Variants in UNC13B observed in about 807,000 individuals in gnomAD.
UNC13B encodes the protein unc-13 homolog B.
Under a neutral mutation model 211.0 loss-of-function variants are expected in UNC13B, and 144 were observed. The ratio of observed to expected loss-of-function variants is 0.68; its 90% CI spans 0.60 to 0.78. The LOEUF (loss-of-function observed/expected upper bound fraction) is 0.78, where lower values mean the gene tolerates loss of function less well. Among genes scored for constraint, UNC13B ranks in the 30% least tolerant of loss-of-function variants. The probability of loss-of-function intolerance (pLI) is 0.00; values close to 1 mark genes in which losing one functional copy is unlikely to be tolerated. For missense variants in UNC13B, 1,777 were observed against 2,002.0 expected (o/e 0.89, Z 2.14); for synonymous variants, 709 against 725.8 (o/e 0.98, Z 0.37).
At chr9:35,251,050 C>A (rs1324583033) in intron 6 of UNC13B, among the ~76,000 whole-genome samples, 1 of 148,630 alleles carries the variant, frequency 6.7e-6, no homozygotes, top group Non-Finnish European at 1.5e-5. Context: ...GCAAGCTCCA[C>A]CTCCCGGGTT....
chr9:35,182,314 T>C (rs1821981460), intron 1 of UNC13B, among the ~76,000 whole-genome samples: 1 of 152,006 alleles, frequency 6.6e-6, no homozygotes, highest in African/African-American at 2.4e-5. Context: ...CTTTTGATTT[T>C]TATCTGCCTC....
At chr9:35,356,408 T>C (rs1358741746) in intron 11 of UNC13B, among the ~76,000 whole-genome samples, 1 of 152,148 alleles carries the variant, frequency 6.6e-6, no homozygotes, top group Non-Finnish European at 1.5e-5. Flanking sequence ...CAGGTACTGT[T>C]TTAAGTACTC....
Position 35,304,930 on chromosome 9 carries a change from T to C in UNC13B, c.5526T>C (p.Ser1842=), listed in dbSNP as rs1283443910. Reference sequence around the variant, plus strand: ...TCAAAAATATAAGGCAAGAATTCTCTTTAAATAAAAACAACCATGTGAAAA... The same window carrying C: ...TCAAAAATATAAGGCAAGAATTCTCCTTAAATAAAAACAACCATGTGAAAA... ...ELIKNIRQEF[S]LNKNNHVKKQ... Residue 1842 remains serine (S), a synonymous_variant, in exon 9 of 40, where the codon TCT becomes TCC. Coordinates refer to ENST00000635942, the MANE Select transcript of UNC13B (RefSeq NM_001371189.2). 2.5e-6 allele frequency: 1 copy of C among 398,822 alleles called. No homozygotes were observed. The highest frequency in any genetic ancestry group is 2.1e-5 in the African/African-American group (1 of 48,630). 24.7% of individuals were successfully genotyped at this position (398,822 alleles called of 1,614,324 possible). A position where few individuals can be genotyped will look rare whatever the true frequency, so the allele number is the denominator to read the frequency against.
intron 6 of UNC13B, among the ~76,000 whole-genome samples, chr9:35,249,865 T>A (rs113262089): frequency 0.15 from 22,118 of 152,150 alleles, 1,871 homozygotes; most frequent in Admixed American, 0.25. Context: ...GTATCTTTGT[T>A]GCTTTCTGTT....
chr9:35,371,430 T>A (rs1474507338), intron 13 of UNC13B, among the ~76,000 whole-genome samples: 1 of 150,242 alleles, frequency 6.7e-6, no homozygotes. Context: ...TCCTCCTGCC[T>A]CAGCTTCCCA....
At chr9:35,189,195 C>T (rs980824696) in intron 1 of UNC13B, among the ~76,000 whole-genome samples, 2 of 152,186 alleles carry the variant, frequency 1.3e-5, no homozygotes, top group African/African-American at 2.4e-5. Flanking sequence ...TGTTTTTATA[C>T]GCCTTGCATG....
intron 12 of UNC13B, among the ~76,000 whole-genome samples, chr9:35,368,721 GTT>G (rs34611015): frequency 1.5e-5 from 2 of 135,766 alleles, no homozygotes; most frequent in Non-Finnish European, 1.6e-5. Flanking sequence ...GTCAGTATCT[GTT>G]TTTTTTTTTT....
At chr9:35,257,350 A>G (rs1826958061) in intron 6 of UNC13B, among the ~76,000 whole-genome samples, 1 of 24,102 alleles carries the variant, frequency 4.1e-5, no homozygotes, top group African/African-American at 1.9e-4. Context: ...TATTTATAAA[A>G]ATATTTATAT....
In UNC13B at chr9:35,259,771, G is replaced by A. The variant is rs1328733731; in HGVS notation, c.526+721G>A. Among the ~76,000 whole-genome samples the A allele has an allele frequency of 1.3e-4, 15 of 119,634 alleles. 1 individual carries two copies. Among genetic ancestry groups the A allele is most frequent in the Non-Finnish European group, 1.6e-5 (1 of 61,190 alleles). 78.5% of individuals were successfully genotyped at this position (119,634 alleles called of 152,430 possible). On this transcript the variant is annotated intron_variant, in intron 7 of 39. Transcript: ENST00000635942. The stretch of plus-strand genomic sequence containing the variant: ...CGCTTTTTCAACCTGTGATATGTGT[G>A]TGTGTGTGTGTGTGTAGGGGGATGC...
At chr9:35,194,150 C>T (rs145767340) in intron 1 of UNC13B, among the ~76,000 whole-genome samples, 35 of 152,248 alleles carry the variant, frequency 2.3e-4, no homozygotes, top group African/African-American at 7.7e-4. Context: ...TGCTCACTGT[C>T]GGGGGGAGCC....
chr9:35,228,975 T>C (rs961158646), intron 2 of UNC13B, among the ~76,000 whole-genome samples: 75 of 152,198 alleles, frequency 4.9e-4, no homozygotes, highest in Non-Finnish European at 2.1e-4. Flanking sequence ...AAAGTGTATA[T>C]ATATTTTTAA....
At chr9:35,234,746 T>C (rs2131521125) in intron 3 of UNC13B, among the ~76,000 whole-genome samples, 2 of 152,356 alleles carry the variant, frequency 1.3e-5, no homozygotes, top group South Asian at 4.1e-4. Context: ...CAGTACATTC[T>C]ATGCTGTATT....
intron 7 of UNC13B, among the ~76,000 whole-genome samples, chr9:35,271,222 CAT>C (rs1827865114): frequency 6.6e-6 from 1 of 151,740 alleles, no homozygotes; most frequent in African/African-American, 2.4e-5. Context: ...ACTACCACCA[CAT>C]GTTCCCATTA....
chr9:35,350,099 C>T (rs916243945), intron 11 of UNC13B, among the ~76,000 whole-genome samples: 4 of 152,196 alleles, frequency 2.6e-5, no homozygotes, highest in African/African-American at 9.6e-5. Flanking sequence ...TATTAGTTGT[C>T]CCATGTGCCT....
chr9:35,235,425 C>G (rs992254752), intron 3 of UNC13B, among the ~76,000 whole-genome samples: 3 of 152,208 alleles, frequency 2.0e-5, no homozygotes, highest in Admixed American at 6.5e-5. Flanking sequence ...TACCTGGACT[C>G]CCTTTCATAA....
intron 26 of UNC13B, among the ~76,000 whole-genome samples, chr9:35,392,859 C>G (rs1835628123): frequency 1.3e-5 from 2 of 151,838 alleles, no homozygotes; most frequent in Admixed American, 1.3e-4. Flanking sequence ...AAAATGCTGT[C>G]CGTCACCAAA....
intron 7 of UNC13B, 56 bp from the exon 8 acceptor site, chr9:35,295,640 A>G: frequency 6.5e-7 from 1 of 1,539,302 alleles, no homozygotes; most frequent in East Asian, 2.3e-5. Context: ...AGCAGAAATA[A>G]TTCTGAAGAA....
intron 1 of UNC13B, among the ~76,000 whole-genome samples, chr9:35,219,114 T>C (rs1824427607): frequency 6.6e-6 from 1 of 152,214 alleles, no homozygotes; most frequent in Admixed American, 6.5e-5. Context: ...GAGGAGAGTT[T>C]AGAGTTTTCT....
At chr9:35,362,116 G>A (rs1165304189) in intron 11 of UNC13B, 1 of 152,256 alleles carries the variant, frequency 6.6e-6, no homozygotes, top group Non-Finnish European at 1.5e-5. Flanking sequence ...TCTAGTGGCA[G>A]AGAGATCAGC....
Sources: gnomAD v4.1 joint callset for allele counts (sites outside exome capture counted in the v4.1 genomes callset) on GRCh38, gnomAD v4.1.1 for gene constraint, MANE v1.5 for transcripts, NCBI Gene and HGNC (gene_info 2026-07-23, HGNC 2026-07-21) for gene names.